The following KCTD4 variants were observed in gnomAD, a reference collection of about 807,000 sequenced individuals.
KCTD4 encodes BTB/POZ domain-containing protein KCTD4.
Under a neutral mutation model 18.3 loss-of-function variants are expected in KCTD4, and 12 were observed. The observed-to-expected ratio is 0.66, with a 90% confidence interval of 0.42 to 1.06. The LOEUF (loss-of-function observed/expected upper bound fraction) is 1.06, where lower values mean the gene tolerates loss of function less well. KCTD4 is among the 50% of genes least tolerant of loss of function. The probability of loss-of-function intolerance (pLI) is 0.00; values close to 1 mark genes in which losing one functional copy is unlikely to be tolerated. For synonymous variants in KCTD4, 124 were observed against 110.5 expected (o/e 1.12, Z -0.76); for missense variants, 250 against 303.4 (o/e 0.82, Z 1.31).
At chr13:45,197,615 T>C (rs1383551093) in intron 1 of KCTD4, among the ~76,000 whole-genome samples, 3 of 152,126 alleles carry the variant, frequency 2.0e-5, no homozygotes, top group Non-Finnish European at 2.9e-5. Context: ...TTATAGGAGT[T>C]CATTGATCAT....
intron 1 of KCTD4, among the ~76,000 whole-genome samples, chr13:45,195,759 A>G (rs1339281400): frequency 1.3e-5 from 2 of 152,198 alleles, no homozygotes; most frequent in African/African-American, 4.8e-5. Context: ...CCAGTACACT[A>G]TTATTTGGCC....
chr13:45,195,812 T>C (rs1872862983), intron 1 of KCTD4, among the ~76,000 whole-genome samples: 1 of 152,180 alleles, frequency 6.6e-6, no homozygotes, highest in Non-Finnish European at 1.5e-5. Context: ...TTTTTTGTTG[T>C]AGTTTTAGTT....
At chr13:45,200,216 A>T (rs1349356262) in intron 1 of KCTD4, among the ~76,000 whole-genome samples, 1 of 152,192 alleles carries the variant, frequency 6.6e-6, no homozygotes, top group Non-Finnish European at 1.5e-5. Context: ...ATTAACAGAC[A>T]GGGAGGAGGG....
At chr13:45,197,126 A>G (rs1314046417) in intron 1 of KCTD4, among the ~76,000 whole-genome samples, 2 of 151,754 alleles carry the variant, frequency 1.3e-5, no homozygotes, top group Non-Finnish European at 2.9e-5. Flanking sequence ...GTATAACTGA[A>G]GCTTTGTCTT....
chr13:45,197,491 A>G (rs1445287121), intron 1 of KCTD4, among the ~76,000 whole-genome samples: 1 of 148,322 alleles, frequency 6.7e-6, no homozygotes, highest in Non-Finnish European at 1.5e-5. Flanking sequence ...TCTGGGCAAC[A>G]CAGTAAGACC....
rs984691177 is a variant in KCTD4 at position 45,193,079 on chromosome 13, A to G, written c.*709T>C. Reference sequence around the variant, plus strand: ...TTAAAGTGACCTGTAACTTTTTATTATAATCATTAATACAATCAAAGAAGG... The same window carrying G: ...TTAAAGTGACCTGTAACTTTTTATTGTAATCATTAATACAATCAAAGAAGG... On this transcript the variant is annotated 3_prime_UTR_variant, in exon 2 of 2. Transcript: ENST00000379108. The G allele has an allele frequency of 2.6e-5, 4 of 152,192 alleles. No homozygotes were observed. The allele number at this position is 152,192 out of a possible 1,614,324, so 9.4% of individuals were successfully genotyped here. A position where few individuals can be genotyped will look rare whatever the true frequency, so the allele number is the denominator to read the frequency against.
chr13:45,198,370 C>A (rs1873006282), intron 1 of KCTD4, among the ~76,000 whole-genome samples: 1 of 152,184 alleles, frequency 6.6e-6, no homozygotes, highest in African/African-American at 2.4e-5. Context: ...GGAAGTGAAA[C>A]CTTACCAGGA....
In KCTD4 at chr13:45,193,723, T is replaced by C. The variant is rs372074622; in HGVS notation, c.*65A>G. The C allele has an allele frequency of 5.5e-6, 8 of 1,463,384 alleles. No individual in the cohort carries two copies. In the East Asian group the frequency reaches 1.1e-4, roughly 21 times the overall value. 90.6% of individuals were successfully genotyped at this position (1,463,384 alleles called of 1,614,324 possible). On this transcript the variant is annotated 3_prime_UTR_variant, in exon 2 of 2. Transcript: ENST00000379108. Reference sequence around the variant, plus strand: ...CTGGGCATGTTATTTGGGATGTCTTTGATGCTGTGGTTTTCCGAAGCTTGC... The same window carrying C: ...CTGGGCATGTTATTTGGGATGTCTTCGATGCTGTGGTTTTCCGAAGCTTGC...
intron 1 of KCTD4, among the ~76,000 whole-genome samples, chr13:45,197,498 G>A (rs2138177967): frequency 1.4e-5 from 2 of 137,952 alleles, no homozygotes; most frequent in East Asian, 2.0e-4. Context: ...AACACAGTAA[G>A]ACCCTGTCTC....
intron 1 of KCTD4, among the ~76,000 whole-genome samples, 200 bp from the exon 2 acceptor site, chr13:45,194,954 A>AT (rs1192823437): frequency 6.6e-6 from 1 of 152,208 alleles, no homozygotes; most frequent in African/African-American, 2.4e-5. Flanking sequence ...TGCCTAAGTT[A>AT]TTTTTTAATC....
At position 45,193,479 on chromosome 13, in the gene KCTD4, A is replaced by G. The variant is rs1872735047; in HGVS notation, c.*309T>C. 1 of 248,586 alleles carries G rather than the reference A, an allele frequency of 4.0e-6. No homozygotes were observed. Among genetic ancestry groups the G allele is most frequent in the African/African-American group, 2.2e-5 (1 of 44,914 alleles). 15.4% of individuals were successfully genotyped at this position (248,586 alleles called of 1,614,324 possible). A position where few individuals can be genotyped will look rare whatever the true frequency, so the allele number is the denominator to read the frequency against. ...TACATGCTTTCTTTTTTGTGCAAAT[A>G]CCCAAGACAATCTGAATTGAAAGAC... On this transcript the variant is annotated 3_prime_UTR_variant, in exon 2 of 2. Coordinates refer to ENST00000379108, the MANE Select transcript of KCTD4 (RefSeq NM_198404.3).
intron 1 of KCTD4, among the ~76,000 whole-genome samples, chr13:45,197,434 G>A (rs1343008423): frequency 4.6e-5 from 7 of 151,318 alleles, no homozygotes; most frequent in South Asian, 2.1e-4. Flanking sequence ...GCCTGAGCCC[G>A]GGAGGTGGAG....
Position 45,194,469 on chromosome 13 carries a change from T to G in KCTD4, c.99A>C (p.Thr33=). 1 of 1,614,128 alleles carries G rather than the reference T, an allele frequency of 6.2e-7. No individual in the cohort carries two copies. Among genetic ancestry groups the G allele is most frequent in the Admixed American group, 1.7e-5 (1 of 60,026 alleles). Residue 33 remains threonine, a synonymous_variant, in exon 2 of 2, where the codon ACA becomes ACC. Coordinates refer to ENST00000379108, the MANE Select transcript of KCTD4 (RefSeq NM_198404.3). ...ATCCACCAACGTTGAGGGTCATCAG[T>G]GTGGATTTGCAGTTCTTTCCTTGAT... ...DTDQGKNCKS[T]LMTLNVGGYL...
intron 1 of KCTD4, among the ~76,000 whole-genome samples, chr13:45,198,382 G>T (rs1873008069): frequency 1.3e-5 from 2 of 152,206 alleles, no homozygotes; most frequent in Admixed American, 6.5e-5. Flanking sequence ...TTACCAGGAG[G>T]TTATCCCTCC....
At chr13:45,195,815 T>C (rs2138175633) in intron 1 of KCTD4, among the ~76,000 whole-genome samples, 1 of 152,238 alleles carries the variant, frequency 6.6e-6, no homozygotes, top group Middle Eastern at 3.4e-3. Context: ...TTTGTTGTAG[T>C]TTTAGTTTTT....
At chr13:45,198,936 C>T (rs1873038720) in intron 1 of KCTD4, among the ~76,000 whole-genome samples, 1 of 152,078 alleles carries the variant, frequency 6.6e-6, no homozygotes, top group African/African-American at 2.4e-5. Flanking sequence ...AAGGATTTTC[C>T]CATGTTAATG....
At chr13:45,196,711 A>G (rs1872912865) in intron 1 of KCTD4, among the ~76,000 whole-genome samples, 1 of 152,228 alleles carries the variant, frequency 6.6e-6, no homozygotes, top group Non-Finnish European at 1.5e-5. Context: ...AGTGATGTGG[A>G]TAGATACTAT....
Position 45,193,813 on chromosome 13 carries a change from C to T in KCTD4, c.755G>A (p.Ser252Asn), listed in dbSNP as rs761258409. 1 of 1,604,316 alleles carries T rather than the reference C, an allele frequency of 6.2e-7. No individual in the cohort carries two copies. Among genetic ancestry groups the T allele is most frequent in the Non-Finnish European group, 8.5e-7 (1 of 1,176,728 alleles). The change falls in exon 2 of 2, where the codon AGC becomes AAC. Residue 252 changes from serine to asparagine, a missense_variant. Coordinates refer to ENST00000379108, the MANE Select transcript of KCTD4 (RefSeq NM_198404.3). ...TTACTTGATAAAATGAAGTGCATCG[C>T]TGTGAACAATTGACCCTTTGGAACA... ...LDCSKGSIVH[S>N]DALHFIK
Position 45,194,669 on chromosome 13 carries a change from T to C in KCTD4, c.-102A>G, listed in dbSNP as rs1322937384. The C allele has an allele frequency of 1.8e-6, 2 of 1,109,758 alleles. No homozygotes were observed. The highest frequency in any genetic ancestry group is 3.1e-5 in the African/African-American group (2 of 63,824). The allele number at this position is 1,109,758 out of a possible 1,614,324, so 68.7% of individuals were successfully genotyped here. A position where few individuals can be genotyped will look rare whatever the true frequency, so the allele number is the denominator to read the frequency against. ...CCTTTATTCAGCCCCAGCCTGGTGA[T>C]GGAATGGAAACGCTGGCAGCATCGC... On this transcript the variant is annotated 5_prime_UTR_variant, in exon 2 of 2. Coordinates refer to ENST00000379108, the MANE Select transcript of KCTD4 (RefSeq NM_198404.3).
Sources: gnomAD v4.1 joint callset for allele counts (sites outside exome capture counted in the v4.1 genomes callset) on GRCh38, gnomAD v4.1.1 for gene constraint, MANE v1.5 for transcripts, NCBI Gene and HGNC (gene_info 2026-07-23, HGNC 2026-07-21) for gene names.